SNTG2: variants seen among roughly 807,000 people sequenced by gnomAD.
SNTG2 encodes syntrophin gamma 2.
Under a neutral mutation model 70.9 loss-of-function variants are expected in SNTG2, and 74 were observed. That is an observed-to-expected ratio of 1.04 (90% CI 0.86 to 1.27). The LOEUF (loss-of-function observed/expected upper bound fraction) is 1.27. Ranked by LOEUF, SNTG2 falls within the 50% of genes most tolerant of loss-of-function variation. SNTG2 has a pLI of 0.00. For missense variants in SNTG2, 717 were observed against 690.7 expected, an observed-to-expected ratio of 1.04 and a Z score of -0.43; for synonymous variants, 278 against 273.8, an observed-to-expected ratio of 1.02 and a Z score of -0.15.
chr2:1,274,202 A>G (rs1679176413), intron 14 of SNTG2, among the ~76,000 whole-genome samples: 1 of 152,242 alleles, frequency 6.6e-6, no homozygotes, highest in Non-Finnish European at 1.5e-5. Context: ...AAAATGGCAC[A>G]CCCAGCTTGA....
intron 1 of SNTG2, among the ~76,000 whole-genome samples, chr2:973,141 G>A (rs1216872151): frequency 6.6e-6 from 1 of 152,088 alleles, no homozygotes; most frequent in Non-Finnish European, 1.5e-5. Flanking sequence ...TCCTCTTTTT[G>A]ATATACTGTC....
intron 1 of SNTG2, among the ~76,000 whole-genome samples, chr2:979,720 AT>A (rs1661039154): frequency 6.6e-6 from 1 of 152,182 alleles, no homozygotes; most frequent in Admixed American, 6.5e-5. Flanking sequence ...AGCCCTACTT[AT>A]GCAAATGTGT....
intron 1 of SNTG2, among the ~76,000 whole-genome samples, chr2:1,004,495 A>G (rs146965164): frequency 6.6e-6 from 1 of 152,372 alleles, no homozygotes; most frequent in Non-Finnish European, 1.5e-5. Context: ...GAACCCATTA[A>G]AACTTGGGCA....
At chr2:1,078,788 C>A (rs567056041) in intron 1 of SNTG2, among the ~76,000 whole-genome samples, 1 of 151,476 alleles carries the variant, frequency 6.6e-6, no homozygotes, top group Non-Finnish European at 1.5e-5. Context: ...AACTGAACCC[C>A]GTGACCCCAG....
At chr2:1,334,701 A>C (rs1015794342) in intron 16 of SNTG2, among the ~76,000 whole-genome samples, 1 of 152,212 alleles carries the variant, frequency 6.6e-6, no homozygotes, top group Non-Finnish European at 1.5e-5. Context: ...ATGGAAAACC[A>C]AATATCACGT....
At chr2:1,129,559 T>G (rs915465271) in intron 4 of SNTG2, among the ~76,000 whole-genome samples, 2 of 152,188 alleles carry the variant, frequency 1.3e-5, no homozygotes, top group African/African-American at 2.4e-5. Flanking sequence ...AATAAGAAGG[T>G]CAAGTTTGTG....
At chr2:996,591 C>T (rs533860914) in intron 1 of SNTG2, among the ~76,000 whole-genome samples, 2 of 148,678 alleles carry the variant, frequency 1.3e-5, no homozygotes, top group African/African-American at 5.0e-5. Flanking sequence ...TCTACATCTA[C>T]ATATATATGT....
intron 6 of SNTG2, among the ~76,000 whole-genome samples, chr2:1,158,055 C>T (rs1390924456): frequency 6.6e-6 from 1 of 152,100 alleles, no homozygotes; most frequent in Non-Finnish European, 1.5e-5. Flanking sequence ...CAGGTGGGGG[C>T]TCATGGTGAT....
rs1168338293 is a variant in SNTG2 at position 1,301,993 on chromosome 2, G to T, written c.1285-6501G>T. ...TTTTTTTTTTTTAAGACAGAGTCTCGCTCTGTCACCCAGGCTGGAGTGCAG... is the reference window on the plus strand; with the variant it reads ...TTTTTTTTTTTTAAGACAGAGTCTCTCTCTGTCACCCAGGCTGGAGTGCAG... On this transcript the variant is annotated intron_variant, in intron 14 of 16. Transcript: ENST00000308624. 3.3e-5 allele frequency among the ~76,000 whole-genome samples: 5 copies of T among 150,798 alleles called. No individual in the cohort carries two copies. In the East Asian group the frequency reaches 5.9e-4, roughly 18 times the overall value.
chr2:1,305,503 T>C (rs192916070), intron 14 of SNTG2, among the ~76,000 whole-genome samples: 1 of 152,136 alleles, frequency 6.6e-6, no homozygotes. Flanking sequence ...CAAGGGAAAA[T>C]TTGTAAACAT....
intron 1 of SNTG2, among the ~76,000 whole-genome samples, chr2:973,312 A>C (rs1020991143): frequency 2.0e-5 from 3 of 152,090 alleles, no homozygotes; most frequent in African/African-American, 7.2e-5. Flanking sequence ...ATTTTATGAA[A>C]GTTATTTTTG....
chr2:1,151,759 G>C (rs960950699), intron 6 of SNTG2, among the ~76,000 whole-genome samples: 1 of 152,190 alleles, frequency 6.6e-6, no homozygotes, highest in African/African-American at 2.4e-5. Flanking sequence ...TGGTGACGAT[G>C]CAGATGAGCA....
intron 14 of SNTG2, among the ~76,000 whole-genome samples, chr2:1,284,031 A>G (rs937715065): frequency 1.1e-4 from 16 of 152,322 alleles, no homozygotes; most frequent in Admixed American, 7.2e-4. Context: ...GCCGTTGTGA[A>G]GAATGATCCT....
At chr2:1,286,735 C>T (rs1383196490) in intron 14 of SNTG2, among the ~76,000 whole-genome samples, 4 of 152,188 alleles carry the variant, frequency 2.6e-5, no homozygotes, top group African/African-American at 7.2e-5. Flanking sequence ...GCAGATCACC[C>T]CGAGGAATGG....
chr2:1,057,695 G>A (rs1662551377), intron 1 of SNTG2, among the ~76,000 whole-genome samples: 1 of 152,158 alleles, frequency 6.6e-6, no homozygotes, highest in Admixed American at 6.5e-5. Context: ...GACACACCCA[G>A]GATCAGTACT....
chr2:1,229,935 C>A (rs912342723), intron 9 of SNTG2, among the ~76,000 whole-genome samples: 1 of 152,210 alleles, frequency 6.6e-6, no homozygotes, highest in African/African-American at 2.4e-5. Context: ...CCAGCTGGCC[C>A]GCAAGCGCCG....
intron 15 of SNTG2, among the ~76,000 whole-genome samples, chr2:1,314,821 A>C (rs1247041144): frequency 2.0e-5 from 3 of 152,218 alleles, no homozygotes; most frequent in Non-Finnish European, 2.9e-5. Context: ...GGCATGTCTT[A>C]CGTGGTGGCA....
intron 8 of SNTG2, among the ~76,000 whole-genome samples, chr2:1,200,896 T>C (rs991874965): frequency 6.6e-6 from 1 of 151,892 alleles, no homozygotes; most frequent in Non-Finnish European, 1.5e-5. Flanking sequence ...TTAGAAAAAT[T>C]ACAGACTCTG....
At chr2:1,227,110 AT>A in intron 9 of SNTG2, among the ~76,000 whole-genome samples, 1 of 152,352 alleles carries the variant, frequency 6.6e-6, no homozygotes, top group Admixed American at 6.5e-5. Context: ...CAGTGTTTAC[AT>A]TTTTATAGAG....
Sources: gnomAD v4.1 joint callset for allele counts (sites outside exome capture counted in the v4.1 genomes callset) on GRCh38, gnomAD v4.1.1 for gene constraint, MANE v1.5 for transcripts, NCBI Gene and HGNC (gene_info 2026-07-23, HGNC 2026-07-21) for gene names.